PLCH2: variants seen among roughly 807,000 people sequenced by gnomAD.
PLCH2 encodes the protein 1-phosphatidylinositol 4,5-bisphosphate phosphodiesterase eta-2.
In PLCH2, 98 loss-of-function variants were observed where a neutral mutation model predicts 134.7. The observed-to-expected ratio is 0.73, with a 90% CI of 0.62 to 0.86. PLCH2 has a LOEUF of 0.86. Ranked by LOEUF, PLCH2 falls within the 40% of genes least tolerant of loss-of-function variation. The pLI is 0.00. For missense variants in PLCH2, 1,994 were observed against 1,986.6 expected (o/e 1.00, Z -0.07); for synonymous variants, 974 against 827.5 (o/e 1.18, Z -3.04).
rs1411271576 is a variant in PLCH2 at position 2,496,683 on chromosome 1, A to G, written c.1912A>G (p.Thr638Ala). The G allele has an allele frequency of 6.2e-7, 1 of 1,611,780 alleles. No individual in the cohort carries two copies. Among genetic ancestry groups the G allele is most frequent in the African/African-American group, 1.3e-5 (1 of 74,930 alleles). ...DLVKYTKSVA[T>A]HDIEMEAASS... The stretch of plus-strand genomic sequence containing the variant: ...GGTGAAGTACACCAAGTCCGTGGCC[A>G]CCCACGACATAGAGATGGAGGGTGA... Residue 638 changes from threonine to alanine, a missense_variant, in exon 14 of 22, where the codon ACC (threonine) becomes GCC (alanine). This residue lies in a region of PLCH2 where 1,094 missense variants were observed against 1,234.3 expected (regional missense o/e 0.89). Transcript: ENST00000378486.
upstream of PLCH2, among the ~76,000 whole-genome samples, chr1:2,424,725 T>C (rs147779952): frequency 0.022 from 3,359 of 152,082 alleles, 100 homozygotes; most frequent in African/African-American, 0.068. Context: ...CGGTGGCTCA[T>C]GCCTGTAATC....
Position 2,459,790 on chromosome 1 carries a change from G to A in PLCH2, c.116-18686G>A, listed in dbSNP as rs549048146. 3.9e-5 allele frequency among the ~76,000 whole-genome samples: 6 copies of A among 152,358 alleles called. No individual in the cohort carries two copies. In the East Asian group the frequency reaches 7.7e-4, roughly 20 times the overall value. ...GCGCTTATCTGAATGCAGTGCTGGC[G>A]CGTGGGGAATACGCTCCTGAGTAAT... On this transcript the variant is annotated intron_variant, in intron 2 of 3. Coordinates refer to the PLCH2 transcript ENST00000609981.
intron 2 of PLCH2, among the ~76,000 whole-genome samples, chr1:2,434,117 C>T (rs924510270): frequency 3.9e-5 from 6 of 152,388 alleles, no homozygotes; most frequent in Middle Eastern, 3.4e-3. Flanking sequence ...CCCTGGGTGG[C>T]GTTTGATGTA....
chr1:2,438,924 T>G (rs1019017681), intron 2 of PLCH2, among the ~76,000 whole-genome samples: 1 of 152,182 alleles, frequency 6.6e-6, no homozygotes, highest in African/African-American at 2.4e-5. Flanking sequence ...TTTGCCCCAC[T>G]TCGCCGGCGT....
intron 21 of PLCH2, chr1:2,502,917 C>G (rs557590642): frequency 1.4e-6 from 1 of 717,206 alleles, no homozygotes; most frequent in African/African-American, 1.7e-5. Context: ...GCCGGTAAGC[C>G]CCTCTTGCCC....
chr1:2,449,109 A>G (rs952244763), intron 2 of PLCH2, among the ~76,000 whole-genome samples: 6 of 151,526 alleles, frequency 4.0e-5, no homozygotes, highest in Non-Finnish European at 8.8e-5. Context: ...ATCCCCCTGG[A>G]CGGAGGAAAA....
At position 2,476,442 on chromosome 1, in the gene PLCH2, A is replaced by C; in HGVS notation, c.-147A>C. On this transcript the variant is annotated 5_prime_UTR_variant, in exon 1 of 22. Coordinates refer to ENST00000378486, the MANE Select transcript of PLCH2 (RefSeq NM_014638.4). ...GGGCACAGCCCTGTGGGGGCTTCGG[A>C]GGGCCCTGAGGAGGAGGAGGAAGAG... The C allele has an allele frequency of 6.2e-5, 44 of 712,478 alleles. No individual in the cohort carries two copies. Among genetic ancestry groups the C allele is most frequent in the Non-Finnish European group, 8.7e-5 (40 of 458,354 alleles). 44.1% of individuals were successfully genotyped at this position (712,478 alleles called of 1,614,324 possible).
At chr1:2,434,210 C>T (rs900595843) in intron 2 of PLCH2, among the ~76,000 whole-genome samples, 4 of 152,234 alleles carry the variant, frequency 2.6e-5, no homozygotes, top group South Asian at 2.1e-4. Context: ...CAGGGGCCGG[C>T]GGGGGCCGCG....
intron 2 of PLCH2, among the ~76,000 whole-genome samples, chr1:2,434,316 T>C (rs1639220445): frequency 6.6e-6 from 1 of 152,194 alleles, no homozygotes; most frequent in African/African-American, 2.4e-5. Context: ...CGGACTCACC[T>C]TCACAGCCGT....
intron 8 of PLCH2, among the ~76,000 whole-genome samples, chr1:2,488,459 G>A (rs570281317): frequency 1.3e-5 from 2 of 152,362 alleles, no homozygotes; most frequent in African/African-American, 4.8e-5. Context: ...TCAGGCCTCA[G>A]TTTCTTGCCT....
chr1:2,486,972 C>T lies in PLCH2; in HGVS notation c.882C>T (p.Asn294=). The T allele has an allele frequency of 6.2e-7, 1 of 1,605,802 alleles. No individual in the cohort carries two copies. Among genetic ancestry groups the T allele is most frequent in the Non-Finnish European group, 8.5e-7 (1 of 1,176,378 alleles). The change falls in exon 6 of 22, where the codon AAC becomes AAT. Residue 294 remains asparagine (N), a synonymous_variant. Coordinates refer to ENST00000378486, the MANE Select transcript of PLCH2 (RefSeq NM_014638.4). ...AGCAGTTTGAGCCATGCCCAGAAAA[C>T]AAGAGTAAGGGGCTGCTGGGCATTG... ...IIEQFEPCPE[N]KSKGLLGIDG...
chr1:2,446,075 C>T (rs927132299), intron 2 of PLCH2, among the ~76,000 whole-genome samples: 4 of 152,206 alleles, frequency 2.6e-5, no homozygotes, highest in African/African-American at 4.8e-5. Flanking sequence ...GGGTCCCTCC[C>T]GCTGCCTGGC....
At chr1:2,493,077 C>T (rs1642683904) in intron 11 of PLCH2, 1 of 152,214 alleles carries the variant, frequency 6.6e-6, no homozygotes, top group Non-Finnish European at 1.5e-5. Context: ...CTGAGACCCT[C>T]CACCACCATC....
At position 2,448,310 on chromosome 1, in the gene PLCH2, G is replaced by A. The variant is rs1032204529; in HGVS notation, c.115+17681G>A. ...CTGAGGTCAGGGTGTGGGTGGGGCCGCGCTCCCTCTGCAGGCTCCCCGGGA... is the reference window on the plus strand; with the variant it reads ...CTGAGGTCAGGGTGTGGGTGGGGCCACGCTCCCTCTGCAGGCTCCCCGGGA... On this transcript the variant is annotated intron_variant, in intron 2 of 3. Transcript: ENST00000609981. The surrounding 1 kb of genome is among the most constrained non-coding windows in gnomAD (Gnocchi z 4.0). 3.3e-5 allele frequency among the ~76,000 whole-genome samples: 5 copies of A among 152,134 alleles called. No homozygotes were observed. The highest frequency in any genetic ancestry group is 4.8e-5 in the African/African-American group (2 of 41,406).
chr1:2,505,165 C>T lies in PLCH2; in HGVS notation c.4203C>T (p.Leu1401=), dbSNP rs568355904. Residue 1401 remains leucine, a synonymous_variant, in exon 22 of 22, where the codon CTC becomes CTT. Transcript: ENST00000378486. The part of the protein sequence containing the change: ...VDAPAPSKGA[L]GPASAAAENL... The stretch of plus-strand genomic sequence containing the variant: ...CACCAGCACCCTCCAAGGGAGCCCT[C>T]GGGCCAGCATCCGCGGCTGCTGAAA... The T allele has an allele frequency of 5.6e-5, 88 of 1,568,544 alleles. 1 individual carries two copies. The Admixed American group carries it at 6.7e-4, about 12-fold the overall frequency.
chr1:2,502,481 G>C (rs931472724), intron 21 of PLCH2, 72 bp downstream of exon 21: 2 of 1,419,988 alleles, frequency 1.4e-6, no homozygotes, highest in African/African-American at 2.8e-5. Context: ...GGACGGCCCC[G>C]GGCCTGCTGG....
At chr1:2,499,317 G>A (rs999836194) in intron 19 of PLCH2, 87 bp downstream of exon 19, 7 of 1,463,116 alleles carry the variant, frequency 4.8e-6, no homozygotes, top group Admixed American at 1.9e-5. Flanking sequence ...GTCAGTGCCT[G>A]TGTAGGTGGG....
At chr1:2,420,096 C>T in the PLCH2 span, among the ~76,000 whole-genome samples, 9 of 151,924 alleles carry the variant, frequency 5.9e-5, no homozygotes, top group South Asian at 2.1e-4. Context: ...CCCCACTCCC[C>T]GCCATCTCTG....
intron 15 of PLCH2, 73 bp from the exon 16 acceptor site, chr1:2,497,429 T>C: frequency 1.2e-6 from 1 of 863,220 alleles, no homozygotes; most frequent in Non-Finnish European, 1.8e-6. Context: ...GGCTAGCGTG[T>C]GGTGGTGGGT....
Sources: allele counts gnomAD v4.1 joint callset (sites outside exome capture counted in the v4.1 genomes callset), GRCh38; gene constraint gnomAD v4.1.1; regional missense constraint gnomAD v4.1.1; non-coding constraint Gnocchi (gnomAD v3.1); transcripts MANE v1.5; gene names NCBI Gene and HGNC (gene_info 2026-07-23, HGNC 2026-07-21).